DNAJA3: variants seen among roughly 807,000 people sequenced by gnomAD.
The protein encoded by DNAJA3 is dnaJ homolog subfamily A member 3, mitochondrial.
A neutral mutation model predicts 54.9 loss-of-function variants in DNAJA3; 29 were observed. The ratio of observed to expected loss-of-function variants is 0.53; its 90% confidence interval spans 0.39 to 0.72. The LOEUF (loss-of-function observed/expected upper bound fraction) is 0.72, where lower values mean the gene tolerates loss of function less well. Ranked by LOEUF, DNAJA3 falls within the 30% of genes least tolerant of loss-of-function variation. The probability of loss-of-function intolerance (pLI) is 0.00; values close to 1 mark genes in which losing one functional copy is unlikely to be tolerated. For missense variants in DNAJA3, 708 were observed against 639.4 expected, an observed-to-expected ratio of 1.11 and a Z score of -1.16; for synonymous variants, 302 against 251.4, an observed-to-expected ratio of 1.20 and a Z score of -1.90.
chr16:4,433,696 C>G (rs919479643), intron 1 of DNAJA3: 1 of 152,162 alleles, frequency 6.6e-6, no homozygotes, highest in Non-Finnish European at 1.5e-5. Flanking sequence ...AAATACCTAG[C>G]AAATGGTAAG....
chr16:4,433,408 G>T (rs1382512150), intron 1 of DNAJA3: 2 of 152,196 alleles, frequency 1.3e-5, no homozygotes, highest in Non-Finnish European at 2.9e-5. Flanking sequence ...TTGGTTCTCA[G>T]CAGGGGACAC....
chr16:4,444,085 G>C (rs1297913300), intron 6 of DNAJA3, among the ~76,000 whole-genome samples: 1 of 152,156 alleles, frequency 6.6e-6, no homozygotes, highest in East Asian at 1.9e-4. Flanking sequence ...CTATCGTTTG[G>C]TTAACACCCA....
At chr16:4,437,724 G>A (rs1233156319) in intron 3 of DNAJA3, 9 of 425,344 alleles carry the variant, frequency 2.1e-5, no homozygotes, top group Non-Finnish European at 8.4e-6. Context: ...TTGACCTCAG[G>A]AGTTGGCTTG....
chr16:4,425,973 G>T lies in DNAJA3; in HGVS notation c.92G>T (p.Arg31Met). ...AISGRGARPP[R>M]EGVVGAWLSR... ...TCGGGTAGAGGGGCCCGGCCGCCCA[G>T]GGAGGGCGTGGTGGGGGCATGGCTG... is the stretch of plus-strand genomic sequence containing the variant. Residue 31 changes from arginine (R) to methionine (M), a missense_variant, in exon 1 of 12, where the codon AGG becomes ATG. Coordinates refer to ENST00000262375, the MANE Select transcript of DNAJA3 (RefSeq NM_005147.6). 1 of 1,591,702 alleles carries T rather than the reference G, an allele frequency of 6.3e-7. No homozygotes were observed. The highest frequency in any genetic ancestry group is 8.5e-7 in the Non-Finnish European group (1 of 1,170,662).
chr16:4,444,894 C>G (rs138523370), intron 7 of DNAJA3, among the ~76,000 whole-genome samples, 166 bp downstream of exon 7: 6 of 152,274 alleles, frequency 3.9e-5, no homozygotes, highest in African/African-American at 1.2e-4. Context: ...TGTTTGTTAC[C>G]TTCAAGATTC....
intron 2 of DNAJA3, among the ~76,000 whole-genome samples, chr16:4,436,204 A>G (rs2056770505): frequency 6.6e-6 from 1 of 152,026 alleles, no homozygotes; most frequent in African/African-American, 2.4e-5. Context: ...GAATGAACAG[A>G]GGCATGGGGA....
intron 3 of DNAJA3, among the ~76,000 whole-genome samples, chr16:4,438,845 G>A (rs182543378): frequency 3.3e-5 from 5 of 152,090 alleles, no homozygotes; most frequent in Middle Eastern, 3.4e-3. Context: ...AGACAGCCAC[G>A]TAGAAGAACA....
chr16:4,439,580 GGTTA>G (rs1339496939), intron 3 of DNAJA3, among the ~76,000 whole-genome samples: 2 of 152,146 alleles, frequency 1.3e-5, no homozygotes, highest in Admixed American at 6.6e-5. Context: ...TTTTCCACAT[GGTTA>G]GTTGATCTGA....
chr16:4,435,081 G>A (rs1205171644), intron 2 of DNAJA3, among the ~76,000 whole-genome samples: 1 of 151,730 alleles, frequency 6.6e-6, no homozygotes, highest in Non-Finnish European at 1.5e-5. Flanking sequence ...TGTATTTTTA[G>A]TAGAGACGCG....
Position 4,455,740 on chromosome 16 carries a change from G to A in DNAJA3, c.*208G>A. 2.8e-6 allele frequency: 2 copies of A among 707,572 alleles called. No individual in the cohort carries two copies. The highest frequency in any genetic ancestry group is 4.8e-6 in the Non-Finnish European group (2 of 418,838). The allele number at this position is 707,572 out of a possible 1,614,324, so 43.8% of individuals were successfully genotyped here. A position where few individuals can be genotyped will look rare whatever the true frequency, so the allele number is the denominator to read the frequency against. ...GTCACAGTGGACAGCCCGGGCAGTAGGATGCAGCCCCAGAGGCTGGTGGCA... is the reference window on the plus strand; with the variant it reads ...GTCACAGTGGACAGCCCGGGCAGTAAGATGCAGCCCCAGAGGCTGGTGGCA... On this transcript the variant is annotated 3_prime_UTR_variant, in exon 12 of 12. Coordinates refer to ENST00000262375, the MANE Select transcript of DNAJA3 (RefSeq NM_005147.6).
chr16:4,445,008 T>C (rs2056886180), intron 7 of DNAJA3, among the ~76,000 whole-genome samples: 1 of 152,192 alleles, frequency 6.6e-6, no homozygotes, highest in African/African-American at 2.4e-5. Flanking sequence ...ATGATAAGAT[T>C]GTTGATGAGG....
intron 7 of DNAJA3, 26 bp from the exon 8 acceptor site, chr16:4,446,860 C>A: frequency 6.2e-7 from 1 of 1,612,584 alleles, no homozygotes; most frequent in Non-Finnish European, 8.5e-7. Flanking sequence ...CTTATCTTCA[C>A]ATGCATCTGT....
intron 1 of DNAJA3, among the ~76,000 whole-genome samples, chr16:4,429,586 G>A (rs1222857190): frequency 6.6e-6 from 1 of 152,108 alleles, no homozygotes; most frequent in Non-Finnish European, 1.5e-5. Flanking sequence ...TGTAATCCCA[G>A]CACTTTGGGA....
intron 2 of DNAJA3, among the ~76,000 whole-genome samples, chr16:4,434,720 T>C (rs909541028): frequency 6.6e-6 from 1 of 152,056 alleles, no homozygotes; most frequent in Non-Finnish European, 1.5e-5. Flanking sequence ...AAAAAAGAGG[T>C]GAGTCCAAAC....
In DNAJA3 at chr16:4,434,609, A is replaced by T. The variant is rs1272745962; in HGVS notation, c.345+92A>T. The T allele has an allele frequency of 1.2e-5, 17 of 1,459,182 alleles. 1 individual carries two copies. The South Asian group carries it at 2.3e-4, about 19-fold the overall frequency. 90.4% of individuals were successfully genotyped at this position (1,459,182 alleles called of 1,614,324 possible). ...TGATCAGTACAGCGTATGTGCCCATATGAATAGGTCTCATGAGCTGATAGT... is the reference window on the plus strand; with the variant it reads ...TGATCAGTACAGCGTATGTGCCCATTTGAATAGGTCTCATGAGCTGATAGT... On this transcript the variant is annotated intron_variant, in intron 2 of 11. Transcript: ENST00000262375.
chr16:4,430,036 TGGTGGCGA>T (rs1156483077), intron 1 of DNAJA3, among the ~76,000 whole-genome samples: 2 of 151,598 alleles, frequency 1.3e-5, no homozygotes, highest in African/African-American at 4.9e-5. Flanking sequence ...AGAAGCCATG[TGGTGGCGA>T]GCCTCTATAG....
chr16:4,434,581 TC>T, intron 2 of DNAJA3, 64 bp downstream of exon 2: 1 of 1,577,796 alleles, frequency 6.3e-7, no homozygotes, highest in Non-Finnish European at 8.6e-7. Flanking sequence ...TCCCATGTGA[TC>T]CTGATCAGTA....
chr16:4,437,972 A>G (rs1021098885), intron 3 of DNAJA3, among the ~76,000 whole-genome samples: 1 of 150,880 alleles, frequency 6.6e-6, no homozygotes, highest in African/African-American at 2.4e-5. Flanking sequence ...TAAAAAATTA[A>G]AAAAAAAACA....
Position 4,426,062 on chromosome 16 carries a change from C to G in DNAJA3, c.181C>G (p.Leu61Val), listed in dbSNP as rs766672349. The change falls in exon 1 of 12, where the codon CTG (leucine) becomes GTG (valine). Residue 61 changes from leucine (L) to valine (V), a missense_variant. Physicochemically the swap from Leu to Val is conservative, Grantham distance 32 (BLOSUM62 1). Coordinates refer to ENST00000262375, the MANE Select transcript of DNAJA3 (RefSeq NM_005147.6). ...GACCTCTTGCGGCCCCCGAGCGCTG[C>G]TGACATTGAGACCTGGTGTCAGCCT... The part of the protein sequence containing the change: ...SLTSCGPRAL[L>V]TLRPGVSLTG... 6.2e-7 allele frequency: 1 copy of G among 1,602,566 alleles called. No homozygotes were observed. Among genetic ancestry groups the G allele is most frequent in the East Asian group, 2.3e-5 (1 of 43,480 alleles).
Sources: allele counts gnomAD v4.1 joint callset (sites outside exome capture counted in the v4.1 genomes callset), GRCh38; gene constraint gnomAD v4.1.1; transcripts MANE v1.5; gene names NCBI Gene and HGNC (gene_info 2026-07-23, HGNC 2026-07-21).